SLC35F3: variants seen among roughly 807,000 people sequenced by gnomAD.
SLC35F3 encodes putative thiamine transporter SLC35F3.
SLC35F3 carries 25 observed loss-of-function variants against 49.9 expected under a neutral mutation model. The ratio of observed to expected loss-of-function variants is 0.50; its 90% CI spans 0.37 to 0.70. The LOEUF (loss-of-function observed/expected upper bound fraction) is 0.70. SLC35F3 is among the 30% of genes least tolerant of loss of function. The pLI, the probability that SLC35F3 is intolerant of heterozygous loss-of-function variation, is 0.00. For synonymous variants in SLC35F3, 275 were observed against 265.4 expected (o/e 1.04, Z -0.35); for missense variants, 525 against 639.8 (o/e 0.82, Z 1.94).
intron 2 of SLC35F3, among the ~76,000 whole-genome samples, chr1:233,930,564 C>T (rs1662226988): frequency 6.6e-6 from 1 of 152,154 alleles, no homozygotes; most frequent in African/African-American, 2.4e-5. Context: ...CCTTGAAAAA[C>T]ATGGGGGTTG....
intron 2 of SLC35F3, among the ~76,000 whole-genome samples, chr1:233,997,353 A>G (rs879248507): frequency 6.6e-6 from 1 of 152,066 alleles, no homozygotes; most frequent in Admixed American, 6.5e-5. Flanking sequence ...AGCTGTACCA[A>G]TTTACACTCC....
intron 2 of SLC35F3, among the ~76,000 whole-genome samples, chr1:234,023,332 CA>C (rs1229295262): frequency 6.6e-6 from 1 of 152,122 alleles, no homozygotes; most frequent in Non-Finnish European, 1.5e-5. Context: ...AGTACTCAAA[CA>C]AAACAAAGCA....
At chr1:233,950,355 C>T (rs1022748774) in intron 2 of SLC35F3, among the ~76,000 whole-genome samples, 69 of 130,918 alleles carry the variant, frequency 5.3e-4, no homozygotes, top group African/African-American at 2.1e-3. Flanking sequence ...CACTGCACTC[C>T]AGCCTGGGTG....
intron 2 of SLC35F3, among the ~76,000 whole-genome samples, chr1:234,154,402 A>C (rs1238921391): frequency 6.6e-6 from 1 of 152,228 alleles, no homozygotes; most frequent in African/African-American, 2.4e-5. Context: ...CCATCTATCT[A>C]TTGGCATACA....
intron 3 of SLC35F3, among the ~76,000 whole-genome samples, chr1:234,247,532 T>A (rs1254594438): frequency 6.6e-6 from 1 of 152,084 alleles, no homozygotes; most frequent in Non-Finnish European, 1.5e-5. Context: ...GGTCCATTGT[T>A]CAGTGGGTTG....
intron 2 of SLC35F3, among the ~76,000 whole-genome samples, chr1:233,939,744 C>G (rs1003415858): frequency 2.6e-5 from 4 of 152,164 alleles, no homozygotes; most frequent in Admixed American, 2.0e-4. Flanking sequence ...GGAAGAACCA[C>G]TTACAGAAGT....
At chr1:234,282,877 A>G (rs1359270509) in intron 3 of SLC35F3, among the ~76,000 whole-genome samples, 1 of 152,208 alleles carries the variant, frequency 6.6e-6, no homozygotes, top group African/African-American at 2.4e-5. Flanking sequence ...AGTTGTGACA[A>G]TGATCCTTGG....
intron 2 of SLC35F3, among the ~76,000 whole-genome samples, chr1:234,073,111 T>C (rs1206180787): frequency 6.6e-6 from 1 of 152,138 alleles, no homozygotes; most frequent in Non-Finnish European, 1.5e-5. Context: ...AGAACACAAA[T>C]GTCAGATGGG....
rs375573898 is a variant in SLC35F3, at chr1:234,262,681, A to G, written c.608+30940A>G. ...CCCATACTATCAGCCTGGATCCTGC[A>G]GGTAAGCTGCAAGCTGCAACAGCTT... On this transcript the variant is annotated intron_variant, in intron 3 of 7. Coordinates refer to ENST00000366618, the MANE Select transcript of SLC35F3 (RefSeq NM_173508.4). Among the ~76,000 whole-genome samples the G allele has an allele frequency of 4.6e-5, 7 of 152,348 alleles. No individual in the cohort carries two copies. The South Asian group carries it at 6.2e-4, about 14-fold the overall frequency.
intron 3 of SLC35F3, among the ~76,000 whole-genome samples, chr1:234,275,193 A>C (rs1166903322): frequency 6.6e-6 from 1 of 152,234 alleles, no homozygotes; most frequent in Non-Finnish European, 1.5e-5. Context: ...TACATGCACA[A>C]AATTCTTTAA....
rs1171821814 is a variant in SLC35F3, at chr1:233,905,218, A to C, written c.53+88A>C. On this transcript the variant is annotated intron_variant, in intron 1 of 7. Coordinates refer to ENST00000366618, the MANE Select transcript of SLC35F3 (RefSeq NM_173508.4). The stretch of plus-strand genomic sequence containing the variant: ...GCCCTTTGCAGCTGGGACACTGGGC[A>C]GTCTGAGGCTCGGGGAAGGGCGGCG... 2.6e-5 allele frequency: 37 copies of C among 1,416,730 alleles called. No individual in the cohort carries two copies. The South Asian group carries it at 4.3e-4, about 17-fold the overall frequency. The allele number at this position is 1,416,730 out of a possible 1,614,324, so 87.8% of individuals were successfully genotyped here.
intron 2 of SLC35F3, among the ~76,000 whole-genome samples, chr1:233,964,173 A>G (rs1238998768): frequency 6.6e-6 from 1 of 152,176 alleles, no homozygotes; most frequent in Non-Finnish European, 1.5e-5. Flanking sequence ...CTTTGGGTCC[A>G]CACTTGCACC....
intron 2 of SLC35F3, among the ~76,000 whole-genome samples, chr1:233,947,341 GGAGAGAGA>G (rs148848593): frequency 6.7e-6 from 1 of 149,884 alleles, no homozygotes; most frequent in East Asian, 2.0e-4. Flanking sequence ...GTAAGAGGGA[GGAGAGAGA>G]GAGAGAGAGA....
chr1:234,121,133 C>CTTTTTTTTTTTTTTTTTTTTTTTTTTTT (rs66702949), intron 2 of SLC35F3, among the ~76,000 whole-genome samples: 1 of 102,794 alleles, frequency 9.7e-6, no homozygotes, highest in Non-Finnish European at 1.9e-5. Flanking sequence ...TGAAAAATTA[C>CTTTTTTTTTTTTTTTTTTTTTTTTTTTT]TTTTTTTTTT....
intron 2 of SLC35F3, among the ~76,000 whole-genome samples, chr1:234,205,364 G>A (rs563598883): frequency 1.4e-4 from 21 of 152,336 alleles, no homozygotes; most frequent in Admixed American, 3.9e-4. Context: ...CCAAGAGACA[G>A]TGCTCAAAAT....
In SLC35F3 at chr1:234,046,461, C is replaced by A. The variant is rs1664293234; in HGVS notation, c.283+140703C>A. 6.6e-6 allele frequency among the ~76,000 whole-genome samples: 1 copy of A among 152,092 alleles called. No individual in the cohort carries two copies. Among genetic ancestry groups the A allele is most frequent in the African/African-American group, 2.4e-5 (1 of 41,430 alleles). ...TTCACTAACTTTTCAATTGAATTGT[C>A]TTTTCTGTATTGATTTGTAATTCTT... is the stretch of plus-strand genomic sequence containing the variant. On this transcript the variant is annotated intron_variant, in intron 2 of 7. Coordinates refer to ENST00000366618, the MANE Select transcript of SLC35F3 (RefSeq NM_173508.4). This position sits in a 1 kb window ranked among gnomAD's most constrained non-coding sequence, Gnocchi z 4.4.
chr1:234,002,703 G>A (rs1663572100), intron 2 of SLC35F3, among the ~76,000 whole-genome samples: 1 of 152,120 alleles, frequency 6.6e-6, no homozygotes, highest in Non-Finnish European at 1.5e-5. Context: ...ATACTTGTTG[G>A]AAGGAAGTTG....
chr1:234,318,949 TGCTAATCACCTGTCCAGAATTCCCAGAAA>T lies in SLC35F3; in HGVS notation c.1147+9_1147+37del. 1 of 1,612,576 alleles carries T rather than the reference TGCTAATCACCTGTCCAGAATTCCCAGAAA, an allele frequency of 6.2e-7. No individual in the cohort carries two copies. Among genetic ancestry groups the T allele is most frequent in the East Asian group, 2.2e-5 (1 of 44,874 alleles). On this transcript the variant is annotated splice_region_variant and intron_variant, in intron 6 of 7. Transcript: ENST00000366618. ...ATTTTCAGTTCTTTTATTGAGTAAG[TGCTAATCACCTGTCCAGAATTCCCAGAAA>T]GCAACCACCCACAGAGGACCCTCAG...
intron 2 of SLC35F3, among the ~76,000 whole-genome samples, chr1:233,971,924 C>T (rs995188408): frequency 1.2e-4 from 19 of 152,186 alleles, no homozygotes; most frequent in Admixed American, 8.5e-4. Context: ...GGACATCCCC[C>T]GCTGCCCGAG....
Sources: allele counts gnomAD v4.1 joint callset (sites outside exome capture counted in the v4.1 genomes callset), GRCh38; gene constraint gnomAD v4.1.1; non-coding constraint Gnocchi (gnomAD v3.1); transcripts MANE v1.5; gene names NCBI Gene and HGNC (gene_info 2026-07-23, HGNC 2026-07-21).